HPSE2: variants seen among roughly 807,000 people sequenced by gnomAD.
HPSE2 encodes heparanase 2 (inactive), also known as inactive heparanase-2.
HPSE2 carries 38 observed loss-of-function variants against 60.5 expected under a neutral mutation model. The observed-to-expected ratio is 0.63, with a 90% CI of 0.48 to 0.82. HPSE2 has a LOEUF of 0.82. HPSE2 is among the 40% of genes least tolerant of loss of function. The pLI is 0.00. For missense variants in HPSE2, 713 were observed against 740.4 expected, an observed-to-expected ratio of 0.96 and a Z score of 0.43; for synonymous variants, 295 against 293.2, an observed-to-expected ratio of 1.01 and a Z score of -0.06.
chr10:98,480,596 G>C (rs1941199057), intron 11 of HPSE2, among the ~76,000 whole-genome samples: 1 of 152,136 alleles, frequency 6.6e-6, no homozygotes, highest in African/African-American at 2.4e-5. Flanking sequence ...GGGTAAATAG[G>C]TTTAGAGTCC....
chr10:98,473,085 T>TA (rs942134010), intron 11 of HPSE2, among the ~76,000 whole-genome samples: 3 of 152,164 alleles, frequency 2.0e-5, no homozygotes, highest in African/African-American at 7.2e-5. Context: ...GGCAAAGATG[T>TA]AAAAAATGTT....
chr10:99,183,401 C>G (rs1196869420), intron 2 of HPSE2, among the ~76,000 whole-genome samples: 1 of 152,110 alleles, frequency 6.6e-6, no homozygotes, highest in East Asian at 1.9e-4. Flanking sequence ...TTTGGATAAA[C>G]ATGGAAACTG....
chr10:99,006,541 A>T (rs1215052271), intron 3 of HPSE2, among the ~76,000 whole-genome samples: 13 of 151,976 alleles, frequency 8.6e-5, no homozygotes, highest in Non-Finnish European at 1.6e-4. Context: ...AGGCTCCAAA[A>T]TCTAGGGCAG....
intron 10 of HPSE2, among the ~76,000 whole-genome samples, chr10:98,487,182 C>G (rs1941472543): frequency 6.6e-6 from 1 of 152,166 alleles, no homozygotes; most frequent in Non-Finnish European, 1.5e-5. Flanking sequence ...CTTGATTGTT[C>G]TCTGAACAAG....
At chr10:98,641,249 A>G (rs1322591304) in intron 7 of HPSE2, among the ~76,000 whole-genome samples, 1 of 152,164 alleles carries the variant, frequency 6.6e-6, no homozygotes, top group African/African-American at 2.4e-5. Flanking sequence ...TCCCTTATGA[A>G]ACTCACAAGA....
intron 3 of HPSE2, among the ~76,000 whole-genome samples, chr10:98,833,724 T>A (rs1490298847): frequency 2.6e-5 from 4 of 152,128 alleles, no homozygotes; most frequent in Non-Finnish European, 4.4e-5. Context: ...TTTCCCAACA[T>A]CCATTGCACA....
At chr10:99,050,398 T>A (rs1957964431) in intron 3 of HPSE2, among the ~76,000 whole-genome samples, 2 of 152,064 alleles carry the variant, frequency 1.3e-5, no homozygotes, top group Non-Finnish European at 2.9e-5. Context: ...GAATATAAAT[T>A]GATACAGCCA....
chr10:98,658,775 G>C (rs1385485092), intron 6 of HPSE2, among the ~76,000 whole-genome samples: 2 of 152,076 alleles, frequency 1.3e-5, no homozygotes, highest in African/African-American at 4.8e-5. Flanking sequence ...ACTTATATTT[G>C]ATTTATCAAC....
Position 98,459,508 on chromosome 10 carries a change from A to C in HPSE2, c.*66T>G. 1 of 1,522,650 alleles carries C rather than the reference A, an allele frequency of 6.6e-7. No homozygotes were observed. Among genetic ancestry groups the C allele is most frequent in the South Asian group, 1.1e-5 (1 of 89,078 alleles). The allele number at this position is 1,522,650 out of a possible 1,614,324, so 94.3% of individuals were successfully genotyped here. ...GCTAGGATGTCTGAAAACAGAGGATACTACTGGAGTGGAGGAGTGGAAGCA... is the reference window on the plus strand; with the variant it reads ...GCTAGGATGTCTGAAAACAGAGGATCCTACTGGAGTGGAGGAGTGGAAGCA... On this transcript the variant is annotated 3_prime_UTR_variant, in exon 12 of 12. Transcript: ENST00000370552.
chr10:99,041,919 T>C (rs1330694381), intron 3 of HPSE2, among the ~76,000 whole-genome samples: 1 of 152,320 alleles, frequency 6.6e-6, no homozygotes, highest in East Asian at 1.9e-4. Context: ...AGCTACCATA[T>C]GAAAAGACAG....
At chr10:98,996,652 T>C (rs773355035) in intron 3 of HPSE2, among the ~76,000 whole-genome samples, 1 of 152,212 alleles carries the variant, frequency 6.6e-6, no homozygotes, top group Non-Finnish European at 1.5e-5. Context: ...AACTGCGGTA[T>C]ATTCATTTAA....
intron 11 of HPSE2, among the ~76,000 whole-genome samples, chr10:98,466,550 G>A (rs1484606428): frequency 6.6e-6 from 1 of 150,886 alleles, no homozygotes; most frequent in Non-Finnish European, 1.5e-5. Context: ...GGTGGAGGTT[G>A]CAGTGAGCCG....
Position 98,614,906 on chromosome 10 carries a change from G to A in HPSE2, c.1318C>T (p.Pro440Ser). The change falls in exon 9 of 12, where the codon CCA becomes TCA. Residue 440 changes from proline (P) to serine (S), a missense_variant and splice_region_variant. Pro to Ser is a moderately conservative substitution (Grantham distance 74, BLOSUM62 -1). Coordinates refer to ENST00000370552, the MANE Select transcript of HPSE2 (RefSeq NM_021828.5). ...HLVDQNFNPL[P>S]DYWLSLLYKR... is the part of the protein sequence containing the mutation. ...GGGAATCTTTATCCCACACTTACTG[G>A]TAATGGGTTAAAATTCTGGTCCACG... is the stretch of plus-strand genomic sequence containing the variant. 6.3e-7 allele frequency: 1 copy of A among 1,598,172 alleles called. No homozygotes were observed. The highest frequency in any genetic ancestry group is 8.6e-7 in the Non-Finnish European group (1 of 1,165,466).
intron 6 of HPSE2, among the ~76,000 whole-genome samples, chr10:98,656,192 T>G (rs1947058129): frequency 6.6e-6 from 1 of 152,040 alleles, no homozygotes. Context: ...GTTTAAGCGA[T>G]TTTCCTTCCT....
chr10:99,024,235 G>A (rs1047247599), intron 3 of HPSE2, among the ~76,000 whole-genome samples: 3 of 152,132 alleles, frequency 2.0e-5, no homozygotes, highest in African/African-American at 7.2e-5. Context: ...TTTAATAGCA[G>A]AACTGATCAA....
At chr10:98,895,016 A>C (rs1473967208) in intron 3 of HPSE2, among the ~76,000 whole-genome samples, 2 of 152,152 alleles carry the variant, frequency 1.3e-5, no homozygotes, top group African/African-American at 4.8e-5. Context: ...ATTGTATACA[A>C]GTTGTATACA....
intron 3 of HPSE2, among the ~76,000 whole-genome samples, chr10:98,989,464 G>A (rs1205983434): frequency 6.7e-6 from 1 of 149,052 alleles, no homozygotes; most frequent in Non-Finnish European, 1.5e-5. Flanking sequence ...CATGGACACA[G>A]GAAGGGGAAC....
At chr10:99,112,945 A>G (rs1844528891) in intron 3 of HPSE2, among the ~76,000 whole-genome samples, 1 of 109,812 alleles carries the variant, frequency 9.1e-6, no homozygotes, top group African/African-American at 2.6e-5. Context: ...TAAGGCCTAG[A>G]CTCATACACA....
At chr10:98,766,693 G>C (rs1037363448) in intron 3 of HPSE2, among the ~76,000 whole-genome samples, 3 of 152,156 alleles carry the variant, frequency 2.0e-5, no homozygotes, top group African/African-American at 7.2e-5. Context: ...GGGAGGCTGA[G>C]GCAGGCAGAT....
Sources: allele counts gnomAD v4.1 joint callset (sites outside exome capture counted in the v4.1 genomes callset), GRCh38; gene constraint gnomAD v4.1.1; transcripts MANE v1.5; gene names NCBI Gene and HGNC (gene_info 2026-07-23, HGNC 2026-07-21).